The following FMN1 variants were observed in gnomAD, a reference collection of about 807,000 sequenced individuals.
FMN1 encodes the protein formin 1.
In FMN1, 110 loss-of-function variants were observed where a neutral mutation model predicts 132.4. The ratio of observed to expected loss-of-function variants is 0.83; its 90% CI spans 0.71 to 0.97. The LOEUF (loss-of-function observed/expected upper bound fraction) is 0.97, where lower values mean the gene tolerates loss of function less well. Among genes scored for constraint, FMN1 ranks in the 50% least tolerant of loss-of-function variants. The probability of loss-of-function intolerance (pLI) is 0.00; values close to 1 mark genes in which losing one functional copy is unlikely to be tolerated. For missense variants in FMN1, 1,792 were observed against 1,705.3 expected, an observed-to-expected ratio of 1.05 and a Z score of -0.90; for synonymous variants, 722 against 651.7, an observed-to-expected ratio of 1.11 and a Z score of -1.64.
chr15:33,117,966 T>C (rs955953873), intron 4 of FMN1, among the ~76,000 whole-genome samples: 1 of 152,184 alleles, frequency 6.6e-6, no homozygotes, highest in Non-Finnish European at 1.5e-5. Flanking sequence ...TTCGTGTTCC[T>C]AGAAAGAAAA....
intron 3 of FMN1, among the ~76,000 whole-genome samples, chr15:33,174,987 T>A (rs1255063277): frequency 6.6e-6 from 1 of 152,158 alleles, no homozygotes; most frequent in Admixed American, 6.6e-5. Flanking sequence ...TCTTATCACA[T>A]CTGCTTTAAA....
chr15:33,093,179 T>TG (rs1372646872), intron 4 of FMN1, among the ~76,000 whole-genome samples: 4 of 152,208 alleles, frequency 2.6e-5, no homozygotes, highest in Non-Finnish European at 5.9e-5. Flanking sequence ...GAAGTGGTTA[T>TG]GCATCCAGAA....
At chr15:32,866,723 A>G (rs2059400975) in intron 16 of FMN1, among the ~76,000 whole-genome samples, 1 of 152,174 alleles carries the variant, frequency 6.6e-6, no homozygotes, top group Admixed American at 6.5e-5. Flanking sequence ...TGTGACACTG[A>G]GAAAGCACTC....
In FMN1 at chr15:32,875,354, T is replaced by C. The variant is rs776626679; in HGVS notation, c.3835+12818A>G. Among the ~76,000 whole-genome samples the C allele has an allele frequency of 3.3e-5, 5 of 151,718 alleles. No homozygotes were observed. In the South Asian group the frequency reaches 6.2e-4, roughly 19 times the overall value. ...TACAGGAAAGTTCTAGAAAAAACTA[T>C]GGGACACCTATGTGAATGCTTTGTC... On this transcript the variant is annotated intron_variant, in intron 16 of 20. Transcript: ENST00000616417.
At chr15:33,071,880 G>T (rs148558938) in intron 5 of FMN1, among the ~76,000 whole-genome samples, 3 of 152,220 alleles carry the variant, frequency 2.0e-5, no homozygotes, top group African/African-American at 7.2e-5. Flanking sequence ...ACATTTTCAG[G>T]GAGGATAGTA....
chr15:32,900,201 T>C, intron 13 of FMN1, 76 bp from the exon 14 acceptor site: 1 of 1,506,836 alleles, frequency 6.6e-7, no homozygotes, highest in South Asian at 1.1e-5. Context: ...AAATATCGAC[T>C]GTGTACTCAA....
chr15:33,126,603 GAAGA>G (rs972531933), intron 4 of FMN1, among the ~76,000 whole-genome samples: 58 of 152,330 alleles, frequency 3.8e-4, no homozygotes, highest in African/African-American at 1.3e-3. Context: ...AGACCAGAAA[GAAGA>G]AAGGAAGCAG....
intron 16 of FMN1, among the ~76,000 whole-genome samples, chr15:32,864,619 C>T (rs1170680740): frequency 6.6e-6 from 1 of 152,192 alleles, no homozygotes; most frequent in African/African-American, 2.4e-5. Context: ...TCCGAATTCC[C>T]AGTTGTCCAT....
chr15:33,048,368 A>C (rs1330551023), intron 6 of FMN1, among the ~76,000 whole-genome samples: 3 of 152,080 alleles, frequency 2.0e-5, no homozygotes, highest in Non-Finnish European at 4.4e-5. Context: ...ATCTTGTCCT[A>C]AAGTAAAATA....
At chr15:32,921,685 T>C (rs2060827664) in intron 10 of FMN1, among the ~76,000 whole-genome samples, 2 of 151,398 alleles carry the variant, frequency 1.3e-5, no homozygotes, top group Non-Finnish European at 1.5e-5. Context: ...TTTTCTTTTT[T>C]TTTTTTTCGA....
At chr15:33,135,094 T>G (rs1963706484) in intron 4 of FMN1, among the ~76,000 whole-genome samples, 1 of 152,216 alleles carries the variant, frequency 6.6e-6, no homozygotes, top group Non-Finnish European at 1.5e-5. Context: ...TTTTGCTTTT[T>G]GAGTTTCTCC....
rs375968117 is a variant in FMN1, at chr15:33,060,540, G to C, written c.2161+4417C>G. Among the ~76,000 whole-genome samples the C allele has an allele frequency of 3.9e-5, 6 of 152,244 alleles. No individual in the cohort carries two copies. The East Asian group carries it at 1.2e-3, about 29-fold the overall frequency. ...TAGGGATGTTTCTAAATTGCTCCTA[G>C]GTTCTGAGGAAAGATGTGTCTGCTG... On this transcript the variant is annotated intron_variant, in intron 6 of 20. Transcript: ENST00000616417.
At position 33,153,173 on chromosome 15, in the gene FMN1, T is replaced by G. The variant is rs995215317; in HGVS notation, c.1742A>C (p.Glu581Ala). 6.5e-7 allele frequency: 1 copy of G among 1,536,014 alleles called. No homozygotes were observed. The highest frequency in any genetic ancestry group is 8.7e-7 in the Non-Finnish European group (1 of 1,146,922). Residue 581 changes from glutamate (E) to alanine (A), a missense_variant, in exon 4 of 21, where the codon GAG (glutamate) becomes GCG (alanine). By Grantham distance (107) the Glu-to-Ala change is moderately radical. Around this residue, in one of 3 missense-constraint regions of FMN1, gnomAD observed 1,150 missense variants for 1,043.1 expected, o/e 1.10. Transcript: ENST00000616417. ...GAAGGCCGGGCTGGCTCCTTTGGTC[T>G]CCGTGACCTTTGCAGAGGATGGTGG... Reference protein sequence around the residue: ...LEPPSSAKVTETKGASPAFLR... With the variant: ...LEPPSSAKVTATKGASPAFLR...
intron 17 of FMN1, chr15:32,810,794 G>T (rs913812406): frequency 6.6e-6 from 2 of 304,986 alleles, no homozygotes; most frequent in African/African-American, 4.3e-5. Context: ...AGGGATAAGG[G>T]TTGGAGTATC....
chr15:33,037,912 T>C (rs917989085), intron 6 of FMN1, among the ~76,000 whole-genome samples: 2 of 152,264 alleles, frequency 1.3e-5, no homozygotes, highest in African/African-American at 2.4e-5. Flanking sequence ...TCTGAGTTTA[T>C]GAATACTGAT....
chr15:33,062,215 A>G (rs1007046673), intron 6 of FMN1, among the ~76,000 whole-genome samples: 4 of 152,246 alleles, frequency 2.6e-5, no homozygotes, highest in Admixed American at 6.5e-5. Context: ...AATTCTACCT[A>G]TAAGCATTTA....
intron 7 of FMN1, among the ~76,000 whole-genome samples, chr15:33,001,022 C>T (rs894128983): frequency 6.6e-6 from 1 of 152,164 alleles, no homozygotes; most frequent in African/African-American, 2.4e-5. Context: ...GTGGCTCATG[C>T]CTGTAATCCC....
intron 17 of FMN1, among the ~76,000 whole-genome samples, chr15:32,809,995 C>T (rs2057817618): frequency 1.3e-5 from 2 of 152,076 alleles, no homozygotes; most frequent in South Asian, 2.1e-4. Flanking sequence ...TCTCAGCTCA[C>T]TGCAACCTCC....
At chr15:32,833,310 G>C (rs1173047348) in intron 17 of FMN1, among the ~76,000 whole-genome samples, 4 of 152,164 alleles carry the variant, frequency 2.6e-5, no homozygotes, top group East Asian at 1.9e-4. Flanking sequence ...AGGGAGGAAA[G>C]GGCTTGGGTT....
Sources: allele counts gnomAD v4.1 joint callset (sites outside exome capture counted in the v4.1 genomes callset), GRCh38; gene constraint gnomAD v4.1.1; regional missense constraint gnomAD v4.1.1; transcripts MANE v1.5; gene names NCBI Gene and HGNC (gene_info 2026-07-23, HGNC 2026-07-21).